Variants in TOP2B observed in about 807,000 individuals in gnomAD.
TOP2B encodes DNA topoisomerase 2-beta.
A neutral mutation model predicts 193.5 loss-of-function variants in TOP2B; 51 were observed. The ratio of observed to expected loss-of-function variants is 0.26; its 90% CI spans 0.21 to 0.33. The LOEUF is 0.33. Among genes scored for constraint, TOP2B ranks in the 10% least tolerant of loss-of-function variants. The pLI, the probability that TOP2B is intolerant of heterozygous loss-of-function variation, is 1.00. For synonymous variants in TOP2B, 634 were observed against 635.7 expected (o/e 1.00, Z 0.04); for missense variants, 1,378 against 1,909.3 (o/e 0.72, Z 5.19).
chr3:25,601,886 T>G (rs573719832), intron 33 of TOP2B, among the ~76,000 whole-genome samples: 4 of 152,160 alleles, frequency 2.6e-5, no homozygotes, highest in Admixed American at 2.6e-4. Flanking sequence ...TCCTAACTTT[T>G]AGAATGTTTT....
chr3:25,661,591 C>G (rs1338551565), intron 1 of TOP2B, among the ~76,000 whole-genome samples: 1 of 152,246 alleles, frequency 6.6e-6, no homozygotes, highest in African/African-American at 2.4e-5. Context: ...TTAAGAGAAG[C>G]CTTTGTAACT....
At position 25,630,721 on chromosome 3, in the gene TOP2B, T is replaced by A; in HGVS notation, c.1405+80A>T. On this transcript the variant is annotated intron_variant, in intron 11 of 35. Transcript: ENST00000264331. ...TGAATGGAAAATCATAGTCTAACTATATGTAGAAAATAAAAAAATTCTGTA... is the reference window on the plus strand; with the variant it reads ...TGAATGGAAAATCATAGTCTAACTAAATGTAGAAAATAAAAAAATTCTGTA... 2.4e-6 allele frequency: 3 copies of A among 1,272,992 alleles called. No individual in the cohort carries two copies. In the South Asian group the frequency reaches 5.5e-5, roughly 23 times the overall value. 78.9% of individuals were successfully genotyped at this position (1,272,992 alleles called of 1,614,324 possible). A position where few individuals can be genotyped will look rare whatever the true frequency, so the allele number is the denominator to read the frequency against.
chr3:25,631,498 C>G (rs1006604787), intron 10 of TOP2B, among the ~76,000 whole-genome samples: 6 of 151,968 alleles, frequency 3.9e-5, no homozygotes. Context: ...TTAACCCAGA[C>G]AGAAAAAGGA....
Position 25,604,754 on chromosome 3 carries a change from A to C in TOP2B, c.4489+6T>G, listed in dbSNP as rs1333792354. On this transcript the variant is annotated splice_donor_region_variant and intron_variant, in intron 33 of 35. Transcript: ENST00000264331. ...ATGCTTAACTCAATCAAATATAAGT[A>C]CATACCCTTTTTAGCAGCTACCGTT... 1.3e-6 allele frequency: 2 copies of C among 1,594,080 alleles called. No homozygotes were observed.
At chr3:25,604,930 T>A in intron 32 of TOP2B, 60 bp from the exon 33 acceptor site, 1 of 1,277,156 alleles carries the variant, frequency 7.8e-7, no homozygotes, top group South Asian at 1.2e-5. Context: ...TCAGTAAACT[T>A]TGACTCTTTT....
chr3:25,655,750 G>A (rs1703724832), intron 1 of TOP2B, among the ~76,000 whole-genome samples: 1 of 152,108 alleles, frequency 6.6e-6, no homozygotes, highest in Non-Finnish European at 1.5e-5. Context: ...GAACCTCAAG[G>A]ATATTATGCT....
In TOP2B at chr3:25,623,485, T is replaced by C. The variant is rs541252136; in HGVS notation, c.2727+30A>G. 3.8e-6 allele frequency: 6 copies of C among 1,578,944 alleles called. No homozygotes were observed. The African/African-American group carries it at 8.1e-5, about 21-fold the overall frequency. On this transcript the variant is annotated intron_variant, in intron 21 of 35. Transcript: ENST00000264331. The stretch of plus-strand genomic sequence containing the variant: ...TTTGTAGTTTACACATTATCATTTG[T>C]TAAATAAATAATAAGTTCCAAATAA...
At chr3:25,628,401 G>A (rs569499390) in intron 15 of TOP2B, among the ~76,000 whole-genome samples, 30 of 151,836 alleles carry the variant, frequency 2.0e-4, no homozygotes, top group African/African-American at 4.6e-4. Flanking sequence ...ATTTGAGCCC[G>A]GAAAGTCAAG....
intron 24 of TOP2B, 56 bp from the exon 25 acceptor site, chr3:25,618,565 C>T: frequency 1.9e-6 from 3 of 1,546,266 alleles, no homozygotes; most frequent in South Asian, 1.2e-5. Flanking sequence ...TTTGTATTTG[C>T]TTATATTCTA....
intron 8 of TOP2B, 101 bp from the exon 9 acceptor site, chr3:25,632,895 G>C: frequency 1.0e-6 from 1 of 958,526 alleles, no homozygotes; most frequent in East Asian, 2.5e-5. Context: ...GAGTAATAGA[G>C]TCTCAGAACG....
intron 21 of TOP2B, among the ~76,000 whole-genome samples, chr3:25,623,069 C>T (rs928202432): frequency 1.2e-4 from 19 of 152,200 alleles, no homozygotes; most frequent in African/African-American, 2.7e-4. Flanking sequence ...TGAGCCACCA[C>T]GCCCAGCCTT....
chr3:25,606,378 T>C (rs1559491644), intron 31 of TOP2B, among the ~76,000 whole-genome samples: 1 of 152,064 alleles, frequency 6.6e-6, no homozygotes, highest in African/African-American at 2.4e-5. Flanking sequence ...AATTATTTAA[T>C]ATAAAAAAGA....
chr3:25,636,156 A>G lies in TOP2B; in HGVS notation c.640-8T>C. 6.5e-7 allele frequency: 1 copy of G among 1,536,178 alleles called. No individual in the cohort carries two copies. The highest frequency in any genetic ancestry group is 8.8e-7 in the Non-Finnish European group (1 of 1,134,656). On this transcript the variant is annotated splice_region_variant and splice_polypyrimidine_tract_variant and intron_variant, in intron 6 of 35. Coordinates refer to ENST00000264331, the MANE Select transcript of TOP2B (RefSeq NM_001330700.2). The stretch of plus-strand genomic sequence containing the variant: ...CATATTATTCATCCATGTCTTTAAA[A>G]GAAAAAAATTCAAATATTTCTATAA...
chr3:25,606,570 A>G (rs1702242680), intron 31 of TOP2B, among the ~76,000 whole-genome samples: 1 of 152,148 alleles, frequency 6.6e-6, no homozygotes, highest in South Asian at 2.1e-4. Flanking sequence ...CCTATTTCTA[A>G]TTCAAGACTA....
At chr3:25,619,686 T>C (rs1433790920) in intron 23 of TOP2B, among the ~76,000 whole-genome samples, 176 bp downstream of exon 23, 1 of 135,318 alleles carries the variant, frequency 7.4e-6, no homozygotes, top group Non-Finnish European at 1.6e-5. Flanking sequence ...TAGTGGACAA[T>C]ACTAGAAGAA....
chr3:25,607,399 T>C (rs981494284), intron 30 of TOP2B, 24 bp from the exon 31 acceptor site: 3 of 1,547,776 alleles, frequency 1.9e-6, no homozygotes, highest in South Asian at 1.2e-5. Context: ...TAAAAATGAA[T>C]GTTAAACTCA....
chr3:25,599,420 G>A lies in TOP2B; in HGVS notation c.4710+15C>T. The A allele has an allele frequency of 6.2e-7, 1 of 1,611,064 alleles. No individual in the cohort carries two copies. Among genetic ancestry groups the A allele is most frequent in the Non-Finnish European group, 8.5e-7 (1 of 1,178,302 alleles). The stretch of plus-strand genomic sequence containing the variant: ...AAAAAGCCATGCACTAATATGCAAT[G>A]ATGTTCCCGGTTACCTTGCTTGTTG... On this transcript the variant is annotated intron_variant, in intron 35 of 35. Coordinates refer to ENST00000264331, the MANE Select transcript of TOP2B (RefSeq NM_001330700.2).
intron 13 of TOP2B, 97 bp from the exon 14 acceptor site, chr3:25,629,242 A>G: frequency 1.2e-6 from 1 of 849,140 alleles, no homozygotes. Flanking sequence ...AAAAACCAAA[A>G]TTCTGAATTT....
At chr3:25,599,410 A>G in intron 35 of TOP2B, 25 bp downstream of exon 35, 4 of 1,606,640 alleles carry the variant, frequency 2.5e-6, no homozygotes, top group Non-Finnish European at 3.4e-6. Flanking sequence ...GCCATGCACT[A>G]ATATGCAATG....
Sources: gnomAD v4.1 joint callset for allele counts (sites outside exome capture counted in the v4.1 genomes callset) on GRCh38, gnomAD v4.1.1 for gene constraint, MANE v1.5 for transcripts, NCBI Gene and HGNC (gene_info 2026-07-23, HGNC 2026-07-21) for gene names.